ARL6: variants seen among roughly 807,000 people sequenced by gnomAD.
The protein encoded by ARL6 is ARF like GTPase 6.
ARL6 carries 18 observed loss-of-function variants against 27.1 expected under a neutral mutation model. The observed-to-expected ratio is 0.66, with a 90% CI of 0.46 to 0.98. The LOEUF (loss-of-function observed/expected upper bound fraction) is 0.98, where lower values mean the gene tolerates loss of function less well. Among genes scored for constraint, ARL6 ranks in the 50% least tolerant of loss-of-function variants. The pLI, the probability that ARL6 is intolerant of heterozygous loss-of-function variation, is 0.00. For missense variants in ARL6, 187 were observed against 214.9 expected, an observed-to-expected ratio of 0.87 and a Z score of 0.81; for synonymous variants, 65 against 72.3, an observed-to-expected ratio of 0.90 and a Z score of 0.51.
At chr3:97,772,865 C>A (rs2036708580) in intron 2 of ARL6, among the ~76,000 whole-genome samples, 1 of 152,026 alleles carries the variant, frequency 6.6e-6, no homozygotes, top group African/African-American at 2.4e-5. Context: ...GGTGATCTGC[C>A]CACCTCGGCC....
At chr3:97,765,808 G>A (rs1506444) in intron 1 of ARL6, among the ~76,000 whole-genome samples, 69,447 of 152,064 alleles carry the variant, frequency 0.46, 16,315 homozygotes, top group East Asian at 0.69. Context: ...AAACAGTTGT[G>A]TCTCTCGCTG....
chr3:97,788,614 T>A (rs9878979), intron 6 of ARL6, among the ~76,000 whole-genome samples: 2 of 151,958 alleles, frequency 1.3e-5, no homozygotes, highest in Non-Finnish European at 2.9e-5. Flanking sequence ...ACTTTAATAA[T>A]CCCTACAATA....
rs570080567 is a variant in ARL6, at chr3:97,791,815, A to C, written c.524A>C (p.Asp175Ala). The change falls in exon 7 of 8, where the codon GAC becomes GCC. Residue 175 changes from aspartate to alanine, a missense_variant. Transcript: ENST00000463745. ...GGAGAAGGCTTGCAAGAAGGTGTAG[A>C]CTGGCTTCAAGGTACATTACAAAAT... ...IKGEGLQEGV[D>A]WLQDQIQTVK... 5.6e-6 allele frequency: 9 copies of C among 1,613,480 alleles called. No individual in the cohort carries two copies. The highest frequency in any genetic ancestry group is 6.8e-6 in the Non-Finnish European group (8 of 1,179,716).
chr3:97,769,599 T>C (rs1321187817), intron 2 of ARL6, among the ~76,000 whole-genome samples: 2 of 152,108 alleles, frequency 1.3e-5, no homozygotes, highest in African/African-American at 4.8e-5. Flanking sequence ...TTGTTGACTA[T>C]AGTCACTCTA....
rs1344558521 is a variant in ARL6, at chr3:97,798,849, A to G, written c.*800A>G. 1 of 152,132 alleles carries G rather than the reference A, an allele frequency of 6.6e-6. No individual in the cohort carries two copies. The highest frequency in any genetic ancestry group is 2.1e-4 in the South Asian group (1 of 4,836). The allele number at this position is 152,132 out of a possible 1,614,324, so 9.4% of individuals were successfully genotyped here. On this transcript the variant is annotated 3_prime_UTR_variant, in exon 8 of 8. Transcript: ENST00000463745. ...ATATTGCATCTTCAGATTAAGAGGT[A>G]TAAAGTAAATTAATATTTGACTGTT...
chr3:97,795,461 G>A (rs2037955663), intron 7 of ARL6, among the ~76,000 whole-genome samples: 1 of 152,122 alleles, frequency 6.6e-6, no homozygotes, highest in Non-Finnish European at 1.5e-5. Context: ...GATCAAGTAT[G>A]CTTAGTTTCA....
rs770255102 is a variant in ARL6 at position 97,780,211 on chromosome 3, A to C, written c.176A>C (p.Lys59Thr). 2 of 1,612,272 alleles carry C rather than the reference A, an allele frequency of 1.2e-6. No individual in the cohort carries two copies. Among genetic ancestry groups the C allele is most frequent in the Non-Finnish European group, 1.7e-6 (2 of 1,178,702 alleles). ...PTIGFSIEKFKSSSLSFTVFD... is the reference protein window; with the variant it reads ...PTIGFSIEKFTSSSLSFTVFD... ...ATAGGATTCAGCATAGAGAAATTCA[A>C]ATCATCCAGGTAATCCACTTTATCC... is the stretch of plus-strand genomic sequence containing the variant. The change falls in exon 3 of 8, where the codon AAA becomes ACA. Residue 59 changes from lysine (K) to threonine (T), a missense_variant. Lys to Thr is a moderately conservative substitution (Grantham distance 78). Transcript: ENST00000463745.
intron 2 of ARL6, 41 bp downstream of exon 2, chr3:97,768,271 T>C: frequency 1.3e-6 from 2 of 1,592,150 alleles, no homozygotes; most frequent in African/African-American, 2.7e-5. Context: ...TTTCTGCTAC[T>C]AAAGAAAATT....
intron 1 of ARL6, chr3:97,766,144 A>G (rs534070732): frequency 8.5e-5 from 13 of 152,352 alleles, no homozygotes; most frequent in African/African-American, 2.4e-4. Flanking sequence ...AGTGCTTTAT[A>G]GTAGATGCTT....
intron 6 of ARL6, 86 bp downstream of exon 6, chr3:97,788,205 A>C: frequency 2.1e-6 from 3 of 1,404,490 alleles, no homozygotes; most frequent in Non-Finnish European, 3.0e-6. Flanking sequence ...ATTTTTTAAA[A>C]ATAAGTGATC....
At chr3:97,792,741 G>A (rs2037803869) in intron 7 of ARL6, among the ~76,000 whole-genome samples, 1 of 152,188 alleles carries the variant, frequency 6.6e-6, no homozygotes, top group African/African-American at 2.4e-5. Context: ...GAAGCACACA[G>A]AGCAGTAGAT....
chr3:97,771,055 T>C (rs746250033), intron 2 of ARL6, among the ~76,000 whole-genome samples: 1 of 151,988 alleles, frequency 6.6e-6, no homozygotes, highest in African/African-American at 2.4e-5. Flanking sequence ...TTTCTGTGAA[T>C]GTTATTGGTA....
intron 7 of ARL6, 163 bp downstream of exon 7, chr3:97,791,989 ATT>A: frequency 9.7e-6 from 6 of 621,574 alleles, no homozygotes; most frequent in Non-Finnish European, 1.4e-5. Context: ...ACCTTGTTCC[ATT>A]TACTTCTATC....
At chr3:97,764,656 A>G (rs1374998139), upstream of ARL6, 1 of 152,240 alleles carries the variant, frequency 6.6e-6, no homozygotes, top group Non-Finnish European at 1.5e-5. Context: ...GAGCTCTTCA[A>G]TCCCAGAAGC....
In ARL6 at chr3:97,798,628, C is replaced by T. The variant is rs11929025; in HGVS notation, c.*579C>T. ...TCAAGCATTTGTAAACCATCTGAGA[C>T]TAAGTTAAGCTGAATTTATTTATTC... On this transcript the variant is annotated 3_prime_UTR_variant, in exon 8 of 8. Coordinates refer to ENST00000463745, the MANE Select transcript of ARL6 (RefSeq NM_001278293.3). 0.22 allele frequency: 33,314 copies of T among 152,328 alleles called. 4,141 individuals are homozygous for T. Among genetic ancestry groups the T allele is most frequent in the Middle Eastern group, 0.3 (89 of 294 alleles). The allele number at this position is 152,328 out of a possible 1,614,324, so 9.4% of individuals were successfully genotyped here.
At chr3:97,779,128 C>A (rs946937853) in intron 2 of ARL6, among the ~76,000 whole-genome samples, 1 of 152,168 alleles carries the variant, frequency 6.6e-6, no homozygotes, top group Admixed American at 6.5e-5. Flanking sequence ...CTTTCAATCT[C>A]TTCTCCACGC....
intron 2 of ARL6, among the ~76,000 whole-genome samples, chr3:97,773,618 A>G (rs548271623): frequency 6.6e-6 from 1 of 152,260 alleles, no homozygotes; most frequent in Non-Finnish European, 1.5e-5. Context: ...ATGCTATTAC[A>G]TAAAGTCAAC....
intron 2 of ARL6, among the ~76,000 whole-genome samples, chr3:97,768,981 C>G (rs1003503700): frequency 1.3e-5 from 2 of 151,974 alleles, no homozygotes; most frequent in African/African-American, 4.8e-5. Context: ...CCTTCCTACA[C>G]CAAGCTCAAG....
At chr3:97,770,776 A>T (rs1160634146) in intron 2 of ARL6, among the ~76,000 whole-genome samples, 1 of 152,000 alleles carries the variant, frequency 6.6e-6, no homozygotes, top group African/African-American at 2.4e-5. Flanking sequence ...TCATAAGACT[A>T]TCCTTTTCCC....
Sources: gnomAD v4.1 joint callset for allele counts (sites outside exome capture counted in the v4.1 genomes callset) on GRCh38, gnomAD v4.1.1 for gene constraint, MANE v1.5 for transcripts, NCBI Gene and HGNC (gene_info 2026-07-23, HGNC 2026-07-21) for gene names.